Variants in ASS1 observed in about 807,000 individuals in gnomAD.
The protein encoded by ASS1 is argininosuccinate synthase 1.
Under a neutral mutation model 60.5 loss-of-function variants are expected in ASS1, and 58 were observed. That is an observed-to-expected ratio of 0.96 (90% confidence interval 0.78 to 1.19). The LOEUF (loss-of-function observed/expected upper bound fraction) is 1.19, where lower values mean the gene tolerates loss of function less well. Ranked by LOEUF, ASS1 falls within the 50% of genes most tolerant of loss-of-function variation. ASS1 has a pLI of 0.00. For synonymous variants in ASS1, 200 were observed against 206.9 expected (o/e 0.97, Z 0.29); for missense variants, 454 against 547.3 (o/e 0.83, Z 1.70).
At chr9:130,498,011 GGAGGGAGGAAGGGACATCA>G in intron 13 of ASS1, among the ~76,000 whole-genome samples, 1 of 152,058 alleles carries the variant, frequency 6.6e-6, no homozygotes, top group East Asian at 1.9e-4. Flanking sequence ...GAGGTGTGGA[GGAGGGAGGAAGGGACATCA>G]AGGAGGTACA....
rs1257739295 is a variant in ASS1, at chr9:130,464,246, G to A, written c.420+79G>A. On this transcript the variant is annotated intron_variant, in intron 5 of 14. Coordinates refer to ENST00000352480, the MANE Select transcript of ASS1 (RefSeq NM_054012.4). ...TGGGGAGGAGGGCACAGGGTTCTGG[G>A]AGATTCCACAGGACAGGCACAGAAT... The A allele has an allele frequency of 9.2e-6, 14 of 1,526,838 alleles. No individual in the cohort carries two copies. In the East Asian group the frequency reaches 2.9e-4, roughly 32 times the overall value. The allele number at this position is 1,526,838 out of a possible 1,614,324, so 94.6% of individuals were successfully genotyped here. A position where few individuals can be genotyped will look rare whatever the true frequency, so the allele number is the denominator to read the frequency against.
At chr9:130,500,842 G>GA (rs1846737280) in intron 14 of ASS1, 134 bp from the exon 15 acceptor site, 1 of 898,694 alleles carries the variant, frequency 1.1e-6, no homozygotes. Flanking sequence ...AGAGGGAATA[G>GA]AAAAAAAGGC....
intron 11 of ASS1, among the ~76,000 whole-genome samples, chr9:130,487,581 A>AAC (rs35769425): frequency 0.42 from 64,086 of 151,582 alleles, 13,829 homozygotes; most frequent in East Asian, 0.61. Context: ...GGCCCCATGA[A>AAC]ACTCCCCATT....
chr9:130,480,394 T>C lies in ASS1; in HGVS notation c.783T>C (p.His261=). 3.1e-6 allele frequency: 5 copies of C among 1,614,218 alleles called. No individual in the cohort carries two copies. The highest frequency in any genetic ancestry group is 1.1e-5 in the South Asian group (1 of 91,084). The change falls in exon 11 of 15, where the codon CAT becomes CAC. Residue 261 remains histidine (H), a synonymous_variant. Transcript: ENST00000352480. ...FMYLNEVAGK[H]GVGRIDIVEN... is the part of the protein sequence containing the mutation. ...CCAGTTCTTCCCACAGGGGCAAGCATGGCGTGGGCCGTATTGACATCGTGG... is the reference window on the plus strand; with the variant it reads ...CCAGTTCTTCCCACAGGGGCAAGCACGGCGTGGGCCGTATTGACATCGTGG...
chr9:130,463,805 A>T (rs114367238), intron 4 of ASS1, among the ~76,000 whole-genome samples: 72 of 152,280 alleles, frequency 4.7e-4, no homozygotes, highest in African/African-American at 1.6e-3. Context: ...CTGGGGCTGC[A>T]GGAGCAGGGC....
intron 13 of ASS1, among the ~76,000 whole-genome samples, chr9:130,497,966 A>G (rs1487162998): frequency 6.6e-6 from 1 of 152,196 alleles, no homozygotes. Context: ...GCAAGCTCCT[A>G]GTGGCTTCAG....
At chr9:130,500,768 G>T (rs576773653) in intron 14 of ASS1, among the ~76,000 whole-genome samples, 1 of 152,230 alleles carries the variant, frequency 6.6e-6, no homozygotes, top group African/African-American at 2.4e-5. Flanking sequence ...GACAAACAAT[G>T]TTTTCCCCCT....
At chr9:130,487,691 C>A (rs181577434) in intron 11 of ASS1, among the ~76,000 whole-genome samples, 1 of 152,118 alleles carries the variant, frequency 6.6e-6, no homozygotes, top group East Asian at 1.9e-4. Flanking sequence ...TGTTTTTGTG[C>A]CTGGCCTTTG....
Position 130,491,027 on chromosome 9 carries a change from C to T in ASS1, c.970+1563C>T, listed in dbSNP as rs939401049. On this transcript the variant is annotated intron_variant, in intron 12 of 14. Transcript: ENST00000352480. The surrounding 1 kb of genome is among the most constrained non-coding windows in gnomAD (Gnocchi z 5.3). ...TACCTGGGCTAAGCTCTCCTCCCCT[C>T]GCCTCTCCCCCTCCACTCCCAGATT... is the stretch of plus-strand genomic sequence containing the variant. Among the ~76,000 whole-genome samples, 22 of 152,206 alleles carry T rather than the reference C, an allele frequency of 1.4e-4. No individual in the cohort carries two copies. The highest frequency in any genetic ancestry group is 4.8e-4 in the African/African-American group (20 of 41,452).
chr9:130,479,096 C>G (rs1395460583), intron 9 of ASS1, among the ~76,000 whole-genome samples: 2 of 152,056 alleles, frequency 1.3e-5, no homozygotes, highest in African/African-American at 4.8e-5. Context: ...CCCGAACCCA[C>G]CCACTGCCCC....
rs556874589 is a variant in ASS1, at chr9:130,489,543, C to T, written c.970+79C>T. On this transcript the variant is annotated intron_variant, in intron 12 of 14. Coordinates refer to ENST00000352480, the MANE Select transcript of ASS1 (RefSeq NM_054012.4). This position sits in a 1 kb window ranked among gnomAD's most constrained non-coding sequence, Gnocchi z 4.1. The stretch of plus-strand genomic sequence containing the variant: ...GTACTATCAGGCTCTCGGGCCTGGC[C>T]CTCCCCTCCGTATCAGCACCTTCCT... 1.2e-6 allele frequency: 2 copies of T among 1,601,182 alleles called. No homozygotes were observed. The highest frequency in any genetic ancestry group is 1.1e-5 in the South Asian group (1 of 90,740).
chr9:130,478,396 T>C lies in ASS1; in HGVS notation c.689-1320T>C, dbSNP rs1478613563. 1.3e-5 allele frequency among the ~76,000 whole-genome samples: 2 copies of C among 150,530 alleles called. No individual in the cohort carries two copies. Among genetic ancestry groups the C allele is most frequent in the Admixed American group, 6.6e-5 (1 of 15,162 alleles). On this transcript the variant is annotated intron_variant, in intron 9 of 14. Coordinates refer to ENST00000352480, the MANE Select transcript of ASS1 (RefSeq NM_054012.4). The surrounding 1 kb of genome is among the most constrained non-coding windows in gnomAD (Gnocchi z 4.7). Reference sequence around the variant, plus strand: ...GAGGCGGGTGGCAGGCTGCGGAGGGTCCTGGGCACCAGGCTCTGGCAGCCC... The same window carrying C: ...GAGGCGGGTGGCAGGCTGCGGAGGGCCCTGGGCACCAGGCTCTGGCAGCCC...
chr9:130,455,415 ATCCT>A (rs1332168353), intron 3 of ASS1, among the ~76,000 whole-genome samples: 13 of 151,208 alleles, frequency 8.6e-5, no homozygotes, highest in South Asian at 6.3e-4. Context: ...CCATCCATCC[ATCCT>A]TCATCCATTC....
At position 130,500,956 on chromosome 9, in the gene ASS1, G is replaced by C. The variant is rs1846740364; in HGVS notation, c.1194-20G>C. The C allele has an allele frequency of 6.2e-7, 1 of 1,612,748 alleles. No individual in the cohort carries two copies. The highest frequency in any genetic ancestry group is 1.3e-5 in the African/African-American group (1 of 74,968). On this transcript the variant is annotated intron_variant, in intron 14 of 14. Coordinates refer to ENST00000352480, the MANE Select transcript of ASS1 (RefSeq NM_054012.4). ...TTATTGTTAATTTACATTTTTCTTTGTTTTGAATCTGGTTTACAGGCTGAA... is the reference window on the plus strand; with the variant it reads ...TTATTGTTAATTTACATTTTTCTTTCTTTTGAATCTGGTTTACAGGCTGAA...
intron 11 of ASS1, among the ~76,000 whole-genome samples, chr9:130,481,746 G>C (rs960800606): frequency 3.3e-5 from 5 of 152,180 alleles, no homozygotes; most frequent in Non-Finnish European, 7.3e-5. Context: ...GGGCGGGGAC[G>C]GGCTTGCCTC....
chr9:130,486,721 C>T (rs1008738025), intron 11 of ASS1, among the ~76,000 whole-genome samples: 5 of 152,178 alleles, frequency 3.3e-5, no homozygotes, highest in Admixed American at 6.5e-5. Context: ...TTTCACAGCA[C>T]ACGATACTCA....
Position 130,478,642 on chromosome 9 carries a change from C to T in ASS1, c.689-1074C>T, listed in dbSNP as rs963663212. Among the ~76,000 whole-genome samples, 3 of 152,144 alleles carry T rather than the reference C, an allele frequency of 2.0e-5. No homozygotes were observed. The highest frequency in any genetic ancestry group is 7.2e-5 in the African/African-American group (3 of 41,422). The stretch of plus-strand genomic sequence containing the variant: ...CCAGCAGCAGCACCAACAATGTCAC[C>T]TCTTCTCCCGGGCAGGCCCCATCTA... On this transcript the variant is annotated intron_variant, in intron 9 of 14. Coordinates refer to ENST00000352480, the MANE Select transcript of ASS1 (RefSeq NM_054012.4). The surrounding 1 kb of genome is among the most constrained non-coding windows in gnomAD (Gnocchi z 4.7).
Position 130,477,011 on chromosome 9 carries a change from G to A in ASS1, c.688+50G>A. The A allele has an allele frequency of 6.4e-7, 1 of 1,566,136 alleles. No homozygotes were observed. Among genetic ancestry groups the A allele is most frequent in the Non-Finnish European group, 8.8e-7 (1 of 1,136,922 alleles). ...GAAGGGGGTTGACTTTTGGGGCCCT[G>A]GCTCCTTTCCCCTCCCTGCCTGGGA... On this transcript the variant is annotated intron_variant, in intron 9 of 14. Coordinates refer to ENST00000352480, the MANE Select transcript of ASS1 (RefSeq NM_054012.4). This position sits in a 1 kb window ranked among gnomAD's most constrained non-coding sequence, Gnocchi z 4.2.
intron 2 of ASS1, 81 bp from the exon 3 acceptor site, chr9:130,454,224 T>TG: frequency 7.2e-7 from 1 of 1,391,862 alleles, no homozygotes; most frequent in Non-Finnish European, 1.0e-6. Flanking sequence ...TAGCAGGGGG[T>TG]GGGAGGCTGC....
Sources: allele counts gnomAD v4.1 joint callset (sites outside exome capture counted in the v4.1 genomes callset), GRCh38; gene constraint gnomAD v4.1.1; non-coding constraint Gnocchi (gnomAD v3.1); transcripts MANE v1.5; gene names NCBI Gene and HGNC (gene_info 2026-07-23, HGNC 2026-07-21).